The following GRM8 variants were observed in gnomAD, a reference collection of about 807,000 sequenced individuals.
GRM8 encodes the protein glutamate metabotropic receptor 8.
Under a neutral mutation model 87.2 loss-of-function variants are expected in GRM8, and 47 were observed. The observed-to-expected ratio is 0.54, with a 90% CI of 0.43 to 0.69. The LOEUF (loss-of-function observed/expected upper bound fraction) is 0.69. GRM8 is among the 30% of genes least tolerant of loss of function. The pLI, the probability that GRM8 is intolerant of heterozygous loss-of-function variation, is 0.00. For synonymous variants in GRM8, 396 were observed against 404.5 expected, an observed-to-expected ratio of 0.98 and a Z score of 0.25; for missense variants, 1,019 against 1,139.2, an observed-to-expected ratio of 0.89 and a Z score of 1.52.
At chr7:127,232,008 A>C (rs542326188) in intron 2 of GRM8, among the ~76,000 whole-genome samples, 18 of 152,066 alleles carry the variant, frequency 1.2e-4, no homozygotes, top group Non-Finnish European at 2.5e-4. Context: ...AATAAAACTG[A>C]CTCTTACCAC....
Position 127,203,955 on chromosome 7 carries a change from C to T in GRM8, c.510+38740G>A, listed in dbSNP as rs11563300. Among the ~76,000 whole-genome samples, 590 of 152,044 alleles carry T rather than the reference C, an allele frequency of 3.9e-3. 2 individuals carry two copies. The highest frequency in any genetic ancestry group is 5.8e-3 in the Non-Finnish European group (397 of 67,968). ...TGTTATTTTCATAAAGTTATATAAA[C>T]GTATGTCATGCAAATAAGGACAGGT... is the stretch of plus-strand genomic sequence containing the variant. On this transcript the variant is annotated intron_variant, in intron 2 of 10. Transcript: ENST00000339582.
intron 8 of GRM8, among the ~76,000 whole-genome samples, chr7:126,572,676 C>G (rs1332734839): frequency 6.6e-6 from 1 of 152,126 alleles, no homozygotes; most frequent in Non-Finnish European, 1.5e-5. Context: ...TGCACCTATC[C>G]TGGGAATTTC....
chr7:126,452,200 G>C (rs937239208), intron 9 of GRM8, among the ~76,000 whole-genome samples: 5 of 149,830 alleles, frequency 3.3e-5, no homozygotes, highest in Non-Finnish European at 5.9e-5. Flanking sequence ...AACCAAACAT[G>C]GTATGTTCTC....
chr7:126,874,457 T>C (rs1471490583), intron 6 of GRM8, among the ~76,000 whole-genome samples: 1 of 152,096 alleles, frequency 6.6e-6, no homozygotes, highest in Non-Finnish European at 1.5e-5. Flanking sequence ...GGACTGCAAC[T>C]AGAATCTTTA....
intron 3 of GRM8, among the ~76,000 whole-genome samples, chr7:126,950,405 T>G (rs1808008385): frequency 2.6e-5 from 4 of 152,182 alleles, no homozygotes; most frequent in Admixed American, 2.0e-4. Flanking sequence ...GTATAGAAAA[T>G]TATCTGGAAG....
At chr7:127,034,171 T>C (rs1331701821) in intron 3 of GRM8, among the ~76,000 whole-genome samples, 2 of 152,182 alleles carry the variant, frequency 1.3e-5, no homozygotes, top group East Asian at 3.9e-4. Context: ...TACTTTAATT[T>C]AGGAGTTGCA....
chr7:127,114,185 G>A (rs970964929), intron 2 of GRM8, among the ~76,000 whole-genome samples: 11 of 152,292 alleles, frequency 7.2e-5, no homozygotes, highest in Admixed American at 2.6e-4. Flanking sequence ...TGTCAAATAG[G>A]AAATTCAGTC....
intron 6 of GRM8, among the ~76,000 whole-genome samples, chr7:126,829,299 G>T (rs1450820035): frequency 7.1e-6 from 1 of 139,910 alleles, no homozygotes; most frequent in African/African-American, 2.7e-5. Flanking sequence ...GTTGACAGTG[G>T]GGTGTTAAAG....
At chr7:126,443,865 A>G (rs7797299) in intron 10 of GRM8, among the ~76,000 whole-genome samples, 62,217 of 151,700 alleles carry the variant, frequency 0.41, 12,758 homozygotes, top group Middle Eastern at 0.53. Context: ...TATGAGATTT[A>G]CTTCAATAAT....
chr7:126,865,494 C>T (rs899432209), intron 6 of GRM8, among the ~76,000 whole-genome samples: 1 of 152,174 alleles, frequency 6.6e-6, no homozygotes, highest in East Asian at 1.9e-4. Flanking sequence ...CATAGCACAG[C>T]TCATCTATCA....
At chr7:126,604,264 T>C (rs999405264) in intron 8 of GRM8, among the ~76,000 whole-genome samples, 2 of 152,110 alleles carry the variant, frequency 1.3e-5, no homozygotes, top group African/African-American at 4.8e-5. Context: ...TCCCAAAGCA[T>C]TTGAATCACA....
chr7:126,651,284 C>G (rs1004888173), intron 7 of GRM8, among the ~76,000 whole-genome samples: 2 of 152,176 alleles, frequency 1.3e-5, no homozygotes, highest in Non-Finnish European at 2.9e-5. Flanking sequence ...TTACCATGTT[C>G]CCCATCATCC....
At chr7:126,664,939 C>T (rs890867293) in intron 7 of GRM8, among the ~76,000 whole-genome samples, 3 of 152,208 alleles carry the variant, frequency 2.0e-5, no homozygotes, top group Admixed American at 2.0e-4. Context: ...AAACCAATAA[C>T]TCCACTAAAC....
chr7:126,605,887 G>T (rs74908950), intron 8 of GRM8, among the ~76,000 whole-genome samples: 1,944 of 152,204 alleles, frequency 0.013, 13 homozygotes, highest in Non-Finnish European at 0.019. Flanking sequence ...CAGTGCACCT[G>T]CTCCATTGCG....
rs551355688 is a variant in GRM8 at position 126,954,071 on chromosome 7, C to G, written c.728-49388G>C. 3.2e-4 allele frequency among the ~76,000 whole-genome samples: 48 copies of G among 152,164 alleles called. 1 individual carries two copies. Among genetic ancestry groups the G allele is most frequent in the Non-Finnish European group, 5.9e-4 (40 of 68,024 alleles). ...CGCTGGCACACAGAGCAGCCAGGAA[C>G]TTTTCCTTGTTGCTTTCTTCTTCCC... On this transcript the variant is annotated intron_variant, in intron 3 of 10. Transcript: ENST00000339582.
chr7:127,245,786 TG>T (rs1798554202), intron 1 of GRM8, among the ~76,000 whole-genome samples: 1 of 152,142 alleles, frequency 6.6e-6, no homozygotes, highest in African/African-American at 2.4e-5. Context: ...ACAGCTCACT[TG>T]AATTTTTGCT....
chr7:126,587,029 T>C (rs1796202238), intron 8 of GRM8, among the ~76,000 whole-genome samples: 1 of 151,888 alleles, frequency 6.6e-6, no homozygotes, highest in South Asian at 2.1e-4. Context: ...TATGAACAGA[T>C]ACATCTCAAA....
chr7:126,725,465 A>C (rs1812857005), intron 7 of GRM8, among the ~76,000 whole-genome samples: 1 of 152,196 alleles, frequency 6.6e-6, no homozygotes, highest in Non-Finnish European at 1.5e-5. Flanking sequence ...AGGAATACAG[A>C]ATAATCCAAT....
At chr7:126,788,420 A>AAAAAAAAAAAAAAAAAAAAAAAAC in intron 6 of GRM8, among the ~76,000 whole-genome samples, 1 of 81,138 alleles carries the variant, frequency 1.2e-5, no homozygotes, top group African/African-American at 4.6e-5. Context: ...AAAAAAAAAA[A>AAAAAAAAAAAAAAAAAAAAAAAAC]AAACCCTTTC....
Sources: allele counts gnomAD v4.1 joint callset (sites outside exome capture counted in the v4.1 genomes callset), GRCh38; gene constraint gnomAD v4.1.1; transcripts MANE v1.5; gene names NCBI Gene and HGNC (gene_info 2026-07-23, HGNC 2026-07-21).